Variants in CSMD1 observed in about 807,000 individuals in gnomAD.
The protein encoded by CSMD1 is CUB and sushi domain-containing protein 1.
CSMD1 carries 213 observed loss-of-function variants against 417.5 expected under a neutral mutation model. The ratio of observed to expected loss-of-function variants is 0.51; its 90% confidence interval spans 0.46 to 0.57. The LOEUF is 0.57. CSMD1 is among the 20% of genes least tolerant of loss of function. The pLI is 0.00. For synonymous variants in CSMD1, 2,862 were observed against 1,736.8 expected, an observed-to-expected ratio of 1.65 and a Z score of -16.11; for missense variants, 6,923 against 4,529.7, an observed-to-expected ratio of 1.53 and a Z score of -15.17.
At chr8:3,227,672 A>T (rs561075166) in intron 27 of CSMD1, among the ~76,000 whole-genome samples, 1 of 152,326 alleles carries the variant, frequency 6.6e-6, no homozygotes, top group South Asian at 2.1e-4. Flanking sequence ...ACGAGTAGAA[A>T]ATACATAGTA....
intron 2 of CSMD1, among the ~76,000 whole-genome samples, chr8:4,530,202 C>A (rs779761383): frequency 1.3e-5 from 2 of 151,832 alleles, no homozygotes; most frequent in African/African-American, 4.8e-5. Flanking sequence ...CACGAGCCAC[C>A]GCGCCAGGCC....
At chr8:3,801,817 A>G (rs565462263) in intron 5 of CSMD1, among the ~76,000 whole-genome samples, 1 of 152,216 alleles carries the variant, frequency 6.6e-6, no homozygotes, top group East Asian at 1.9e-4. Flanking sequence ...GTACTAAGGT[A>G]TGTTGGAATA....
chr8:3,773,241 G>C (rs140274922), intron 5 of CSMD1, among the ~76,000 whole-genome samples: 83 of 152,306 alleles, frequency 5.4e-4, no homozygotes, highest in African/African-American at 1.1e-3. Flanking sequence ...TGTGAAACTA[G>C]CTTGTGTTTT....
At chr8:4,464,789 G>T (rs951351189) in intron 2 of CSMD1, among the ~76,000 whole-genome samples, 2 of 152,196 alleles carry the variant, frequency 1.3e-5, no homozygotes, top group Admixed American at 6.5e-5. Flanking sequence ...GCTGGGCTGA[G>T]AGATCAAGAA....
intron 2 of CSMD1, among the ~76,000 whole-genome samples, chr8:4,440,854 G>A (rs748854872): frequency 6.6e-6 from 1 of 151,652 alleles, no homozygotes; most frequent in Admixed American, 6.6e-5. Context: ...AAACTTAGCT[G>A]GGAGTGGGGG....
intron 1 of CSMD1, among the ~76,000 whole-genome samples, chr8:4,742,089 G>A (rs914803391): frequency 5.4e-5 from 7 of 128,560 alleles, no homozygotes; most frequent in African/African-American, 1.8e-4. Context: ...GGAGTGCAGT[G>A]GCGCAATCTC....
rs565468183 is a variant in CSMD1 at position 3,142,232 on chromosome 8, C to T, written c.6241+233G>A. On this transcript the variant is annotated intron_variant, in intron 41 of 69. Coordinates refer to ENST00000635120, the MANE Select transcript of CSMD1 (RefSeq NM_033225.6). Reference sequence around the variant, plus strand: ...CATTGCAATTCCCGTCTTGATAAATCGGCTCTGTCTGGGCAGCAGAAAAGG... The same window carrying T: ...CATTGCAATTCCCGTCTTGATAAATTGGCTCTGTCTGGGCAGCAGAAAAGG... 5.3e-5 allele frequency among the ~76,000 whole-genome samples: 8 copies of T among 152,280 alleles called. No individual in the cohort carries two copies. The East Asian group carries it at 1.2e-3, about 22-fold the overall frequency.
intron 7 of CSMD1, among the ~76,000 whole-genome samples, chr8:3,637,296 G>A (rs567837980): frequency 6.6e-6 from 1 of 152,242 alleles, no homozygotes; most frequent in Non-Finnish European, 1.5e-5. Context: ...ATGCTTGGGG[G>A]AGTTTCATAA....
intron 1 of CSMD1, among the ~76,000 whole-genome samples, chr8:4,900,869 G>C (rs908317316): frequency 3.3e-5 from 5 of 152,128 alleles, no homozygotes; most frequent in African/African-American, 1.2e-4. Flanking sequence ...ACTTCCTTCA[G>C]TCGAGCACAG....
At chr8:3,659,130 C>G (rs1272063781) in intron 7 of CSMD1, among the ~76,000 whole-genome samples, 1 of 152,068 alleles carries the variant, frequency 6.6e-6, no homozygotes, top group Non-Finnish European at 1.5e-5. Context: ...CACATAAATC[C>G]TTAAAATAAA....
intron 2 of CSMD1, among the ~76,000 whole-genome samples, chr8:4,509,026 A>G (rs1802682070): frequency 6.6e-6 from 1 of 152,138 alleles, no homozygotes; most frequent in African/African-American, 2.4e-5. Context: ...AGACAACATG[A>G]GAAGCAGGAA....
At chr8:4,815,688 C>G (rs1424387595) in intron 1 of CSMD1, among the ~76,000 whole-genome samples, 2 of 90,442 alleles carry the variant, frequency 2.2e-5, no homozygotes, top group African/African-American at 1.1e-4. Context: ...AAGACCAAAG[C>G]TGTCTCAAAA....
At chr8:4,067,540 T>G (rs184004468) in intron 3 of CSMD1, among the ~76,000 whole-genome samples, 56 of 152,290 alleles carry the variant, frequency 3.7e-4, no homozygotes, top group African/African-American at 1.3e-3. Flanking sequence ...GTTGTATAGC[T>G]TTACATGTAC....
chr8:3,915,403 C>A, intron 5 of CSMD1, among the ~76,000 whole-genome samples: 1 of 74,810 alleles, frequency 1.3e-5, no homozygotes, highest in Middle Eastern at 6.9e-3. Flanking sequence ...AAGACTCTGT[C>A]TCAAAAAAAA....
At chr8:4,693,703 C>G (rs1318432943) in intron 1 of CSMD1, among the ~76,000 whole-genome samples, 1 of 145,690 alleles carries the variant, frequency 6.9e-6, no homozygotes, top group Non-Finnish European at 1.5e-5. Context: ...TCTCCCTACG[C>G]TTCCCAGGCT....
intron 4 of CSMD1, among the ~76,000 whole-genome samples, chr8:4,011,190 G>C (rs895413563): frequency 6.6e-6 from 1 of 152,118 alleles, no homozygotes; most frequent in Non-Finnish European, 1.5e-5. Context: ...TTTCTACCTA[G>C]TGGGTACACC....
At chr8:4,202,556 G>A (rs953263162) in intron 3 of CSMD1, among the ~76,000 whole-genome samples, 4 of 152,082 alleles carry the variant, frequency 2.6e-5, no homozygotes, top group East Asian at 1.9e-4. Flanking sequence ...CATCAGCCTC[G>A]ACAAATTACT....
At chr8:4,769,440 G>A (rs924587798) in intron 1 of CSMD1, among the ~76,000 whole-genome samples, 1 of 151,974 alleles carries the variant, frequency 6.6e-6, no homozygotes, top group African/African-American at 2.4e-5. Flanking sequence ...TTAGAATAAG[G>A]TATTATCTGA....
chr8:4,450,303 C>CA (rs753053809), intron 2 of CSMD1, among the ~76,000 whole-genome samples: 74 of 152,152 alleles, frequency 4.9e-4, no homozygotes, highest in Non-Finnish European at 9.6e-4. Flanking sequence ...CTGTTTGCTG[C>CA]AACTCAGAGT....
Sources: gnomAD v4.1 joint callset for allele counts (sites outside exome capture counted in the v4.1 genomes callset) on GRCh38, gnomAD v4.1.1 for gene constraint, MANE v1.5 for transcripts, NCBI Gene and HGNC (gene_info 2026-07-23, HGNC 2026-07-21) for gene names.